Variants in RBBP8 observed in about 807,000 individuals in gnomAD.
RBBP8 encodes the protein RB binding protein 8, endonuclease.
In RBBP8, 88 loss-of-function variants were observed where a neutral mutation model predicts 108.3. That is an observed-to-expected ratio of 0.81 (90% confidence interval 0.68 to 0.97). The LOEUF is 0.97. Among genes scored for constraint, RBBP8 ranks in the 50% least tolerant of loss-of-function variants. RBBP8 has a pLI of 0.00. For synonymous variants in RBBP8, 332 were observed against 348.2 expected, an observed-to-expected ratio of 0.95 and a Z score of 0.52; for missense variants, 1,023 against 1,049.0, an observed-to-expected ratio of 0.98 and a Z score of 0.34.
At chr18:22,943,388 G>A (rs1298063490) in intron 2 of RBBP8, among the ~76,000 whole-genome samples, 1 of 152,010 alleles carries the variant, frequency 6.6e-6, no homozygotes, top group African/African-American at 2.4e-5. Context: ...ACAGTGAGCC[G>A]TGATTGCACC....
chr18:22,979,983 C>T (rs1039365909), intron 6 of RBBP8, among the ~76,000 whole-genome samples: 3 of 151,376 alleles, frequency 2.0e-5, no homozygotes, highest in East Asian at 2.0e-4. Flanking sequence ...CCGTGGTTCA[C>T]GCCTATAATC....
At position 22,994,717 on chromosome 18, in the gene RBBP8, T is replaced by TA. The variant is rs1567986655; in HGVS notation, c.1939+870_1939+871insA. 3.6e-3 allele frequency among the ~76,000 whole-genome samples: 539 copies of TA among 150,962 alleles called. 4 individuals are homozygous for TA. The highest frequency in any genetic ancestry group is 0.013 in the African/African-American group (523 of 41,216). ...GCATCTTTTCATAATTTTGCTATAT[T>TA]TTATTATTATTATTATTATTATTTG... On this transcript the variant is annotated intron_variant, in intron 12 of 18. Coordinates refer to ENST00000327155, the MANE Select transcript of RBBP8 (RefSeq NM_002894.3).
intron 6 of RBBP8, among the ~76,000 whole-genome samples, chr18:22,977,457 C>G (rs564137174): frequency 3.1e-4 from 47 of 152,054 alleles, no homozygotes; most frequent in African/African-American, 1.1e-3. Flanking sequence ...TAAAATTTTG[C>G]CACTATAAAG....
At chr18:22,979,628 T>C (rs904161258) in intron 6 of RBBP8, among the ~76,000 whole-genome samples, 1 of 152,252 alleles carries the variant, frequency 6.6e-6, no homozygotes, top group Non-Finnish European at 1.5e-5. Flanking sequence ...TCTGACAGAC[T>C]GGTAACAATT....
At chr18:22,941,756 G>A (rs1482192869) in intron 2 of RBBP8, among the ~76,000 whole-genome samples, 1 of 151,998 alleles carries the variant, frequency 6.6e-6, no homozygotes, top group Non-Finnish European at 1.5e-5. Flanking sequence ...AACTTTAAGG[G>A]AGGAATACAG....
At chr18:23,009,425 C>T (rs1479714227) in intron 16 of RBBP8, among the ~76,000 whole-genome samples, 1 of 150,798 alleles carries the variant, frequency 6.6e-6, no homozygotes, top group East Asian at 1.9e-4. Context: ...TGCAGTTATG[C>T]CACCAACTCA....
rs183137909 is a variant in RBBP8, at chr18:22,940,758, C to T, written c.109+3798C>T. On this transcript the variant is annotated intron_variant, in intron 2 of 18. Transcript: ENST00000327155. ...AATTCCAGGGTGCAGGCAATCCTTC[C>T]GCTTCCACCTTCAGAGTAGCTAGGA... 6.2e-4 allele frequency among the ~76,000 whole-genome samples: 94 copies of T among 151,976 alleles called. 1 individual carries two copies. Among genetic ancestry groups the T allele is most frequent in the African/African-American group, 1.6e-3 (68 of 41,364 alleles).
intron 2 of RBBP8, among the ~76,000 whole-genome samples, chr18:22,938,188 G>C (rs1910742961): frequency 6.6e-6 from 1 of 152,088 alleles, no homozygotes; most frequent in Non-Finnish European, 1.5e-5. Flanking sequence ...CTGGAGTGCA[G>C]TGGTGCAAAC....
In RBBP8 at chr18:22,977,513, G is replaced by C. The variant is rs1488690416; in HGVS notation, c.428+2294G>C. Among the ~76,000 whole-genome samples the C allele has an allele frequency of 2.0e-5, 3 of 151,934 alleles. No homozygotes were observed. The South Asian group carries it at 6.2e-4, about 31-fold the overall frequency. The stretch of plus-strand genomic sequence containing the variant: ...AGGTATTGAGGTCATCATTCTTTTC[G>C]TTTTAGAAAATAGATGTGATGGGTC... On this transcript the variant is annotated intron_variant, in intron 6 of 18. Coordinates refer to ENST00000327155, the MANE Select transcript of RBBP8 (RefSeq NM_002894.3).
chr18:23,005,877 G>A (rs934096239), intron 15 of RBBP8, among the ~76,000 whole-genome samples: 1 of 151,984 alleles, frequency 6.6e-6, no homozygotes, highest in Non-Finnish European at 1.5e-5. Context: ...TTATGCAGAT[G>A]CAAAAGAAAG....
At chr18:23,013,814 A>T (rs915725410) in intron 16 of RBBP8, among the ~76,000 whole-genome samples, 1 of 152,228 alleles carries the variant, frequency 6.6e-6, no homozygotes, top group Non-Finnish European at 1.5e-5. Flanking sequence ...AATTTTTCTC[A>T]TAGTTAATTT....
At chr18:22,926,099 T>C (rs1436439853) in intron 3 of RBBP8, among the ~76,000 whole-genome samples, 3 of 152,182 alleles carry the variant, frequency 2.0e-5, no homozygotes, top group Non-Finnish European at 4.4e-5. Context: ...ATAGATGACA[T>C]GGAAGAAACA....
intron 4 of RBBP8, among the ~76,000 whole-genome samples, chr18:22,962,469 T>G (rs930584089): frequency 8.5e-5 from 13 of 152,264 alleles, no homozygotes; most frequent in African/African-American, 2.6e-4. Flanking sequence ...TATTTAAAAT[T>G]GCACCAAGTT....
In RBBP8 at chr18:22,975,237, A is replaced by C. The variant is rs748397077; in HGVS notation, c.428+18A>C. On this transcript the variant is annotated intron_variant, in intron 6 of 18. Coordinates refer to ENST00000327155, the MANE Select transcript of RBBP8 (RefSeq NM_002894.3). ...AAAATTGAGTAAGTATTTTCCTCCA[A>C]CCTTGTTATTTTATTTTATTTAGCT... 2.2e-5 allele frequency: 35 copies of C among 1,611,664 alleles called. No individual in the cohort carries two copies. Among genetic ancestry groups the C allele is most frequent in the Admixed American group, 1.8e-4 (11 of 59,908 alleles).
chr18:22,966,719 CT>C (rs796853895), intron 4 of RBBP8, among the ~76,000 whole-genome samples: 2,778 of 127,766 alleles, frequency 0.022, 21 homozygotes, highest in African/African-American at 0.073. Flanking sequence ...TACTTACTAT[CT>C]TTTTTTTTTT....
chr18:22,935,007 T>C (rs4800139), intron 1 of RBBP8, among the ~76,000 whole-genome samples: 147,164 of 148,652 alleles, frequency 0.99, 72,864 homozygotes, highest in East Asian at 1. Flanking sequence ...TAATATTCTA[T>C]AGTTTCTGGT....
At chr18:22,994,184 A>ATT (rs888725977) in intron 12 of RBBP8, among the ~76,000 whole-genome samples, 3 of 141,514 alleles carry the variant, frequency 2.1e-5, no homozygotes, top group Non-Finnish European at 3.1e-5. Context: ...TGCCCGGCTA[A>ATT]TTTTTTTTTT....
chr18:22,977,214 T>C (rs560040599), intron 6 of RBBP8, among the ~76,000 whole-genome samples: 1 of 143,506 alleles, frequency 7.0e-6, no homozygotes, highest in East Asian at 1.9e-4. Flanking sequence ...TTTGTTTTGT[T>C]TTGTTTTTAA....
At chr18:22,959,781 T>C (rs1376966551) in intron 4 of RBBP8, among the ~76,000 whole-genome samples, 2 of 151,694 alleles carry the variant, frequency 1.3e-5, no homozygotes. Context: ...CTGTATCATT[T>C]CCCAGATTTT....
Sources: gnomAD v4.1 joint callset for allele counts (sites outside exome capture counted in the v4.1 genomes callset) on GRCh38, gnomAD v4.1.1 for gene constraint, MANE v1.5 for transcripts, NCBI Gene and HGNC (gene_info 2026-07-23, HGNC 2026-07-21) for gene names.